The following GRM8 variants were observed in gnomAD, a reference collection of about 807,000 sequenced individuals.
GRM8 encodes the protein glutamate metabotropic receptor 8, also known as metabotropic glutamate receptor 8.
Under a neutral mutation model 87.2 loss-of-function variants are expected in GRM8, and 47 were observed. The observed-to-expected ratio is 0.54, with a 90% CI of 0.43 to 0.69. The LOEUF is 0.69. Among genes scored for constraint, GRM8 ranks in the 30% least tolerant of loss-of-function variants. The pLI is 0.00. For synonymous variants in GRM8, 396 were observed against 404.5 expected, an observed-to-expected ratio of 0.98 and a Z score of 0.25; for missense variants, 1,019 against 1,139.2, an observed-to-expected ratio of 0.89 and a Z score of 1.52.
In GRM8 at chr7:127,155,987, T is replaced by C. The variant is rs531040774; in HGVS notation, c.511-49275A>G. Among the ~76,000 whole-genome samples, 12 of 152,284 alleles carry C rather than the reference T, an allele frequency of 7.9e-5. No individual in the cohort carries two copies. In the South Asian group the frequency reaches 2.5e-3, roughly 32 times the overall value. The stretch of plus-strand genomic sequence containing the variant: ...CCTCTTGAAGGCTGCCAATGTTTAA[T>C]AACCCCCAGAGCCCATTGTTGTAAG... On this transcript the variant is annotated intron_variant, in intron 2 of 10. Transcript: ENST00000339582.
At chr7:126,679,803 G>A (rs942267947) in intron 7 of GRM8, among the ~76,000 whole-genome samples, 2 of 152,162 alleles carry the variant, frequency 1.3e-5, no homozygotes, top group Non-Finnish European at 2.9e-5. Context: ...GATGAGATGG[G>A]CAGATCACTT....
At chr7:127,026,578 T>C in intron 3 of GRM8, among the ~76,000 whole-genome samples, 1 of 152,228 alleles carries the variant, frequency 6.6e-6, no homozygotes, top group Non-Finnish European at 1.5e-5. Context: ...GTGGTTTTGA[T>C]TTGCCTTTCT....
intron 8 of GRM8, among the ~76,000 whole-genome samples, chr7:126,551,572 C>T (rs1014733033): frequency 2.6e-5 from 4 of 152,150 alleles, no homozygotes; most frequent in Non-Finnish European, 5.9e-5. Flanking sequence ...AAGTATGAGA[C>T]ATAAAGCTCA....
At position 126,889,023 on chromosome 7, in the gene GRM8, CTA is replaced by C. The variant is rs528843299; in HGVS notation, c.1156+13517_1156+13518del. ...AGAATACTAACTCCTCTACCATATC[CTA>C]TGTCGGCCCACCGTTGGGGTGTAAG... On this transcript the variant is annotated intron_variant, in intron 6 of 10. Coordinates refer to ENST00000339582, the MANE Select transcript of GRM8 (RefSeq NM_000845.3). Among the ~76,000 whole-genome samples, 471 of 152,178 alleles carry C rather than the reference CTA, an allele frequency of 3.1e-3. 4 individuals carry two copies. The highest frequency in any genetic ancestry group is 0.011 in the African/African-American group (452 of 41,530).
intron 3 of GRM8, among the ~76,000 whole-genome samples, chr7:126,921,193 CAAG>C (rs1333588682): frequency 6.6e-6 from 1 of 151,988 alleles, no homozygotes; most frequent in Non-Finnish European, 1.5e-5. Context: ...GTCCATGCAA[CAAG>C]AATAGGAGGC....
intron 3 of GRM8, among the ~76,000 whole-genome samples, chr7:126,976,409 T>C (rs551868060): frequency 6.6e-6 from 1 of 152,080 alleles, no homozygotes; most frequent in African/African-American, 2.4e-5. Flanking sequence ...TCCTGGCTAA[T>C]ATGGTGAAAC....
At chr7:126,708,188 ACTACACACCTTTTAGAATAT>A (rs1810742149) in intron 7 of GRM8, among the ~76,000 whole-genome samples, 1 of 152,136 alleles carries the variant, frequency 6.6e-6, no homozygotes, top group African/African-American at 2.4e-5. Context: ...ATGAGGTATC[ACTACACACCTTTTAGAATAT>A]CTATTATCAA....
intron 3 of GRM8, among the ~76,000 whole-genome samples, chr7:126,945,364 T>G (rs1457889631): frequency 6.6e-6 from 1 of 152,216 alleles, no homozygotes; most frequent in Admixed American, 6.5e-5. Context: ...TTTCTGTATT[T>G]TAAAACATTA....
At chr7:126,927,200 T>G (rs1161161492) in intron 3 of GRM8, among the ~76,000 whole-genome samples, 1 of 152,178 alleles carries the variant, frequency 6.6e-6, no homozygotes, top group Non-Finnish European at 1.5e-5. Context: ...CAGTGGTGCT[T>G]TCACAGCTCA....
intron 8 of GRM8, among the ~76,000 whole-genome samples, chr7:126,554,125 T>C (rs943223290): frequency 6.6e-6 from 1 of 152,138 alleles, no homozygotes; most frequent in African/African-American, 2.4e-5. Flanking sequence ...CTTCCTAAAA[T>C]TGTTTAAGCT....
chr7:127,027,997 C>T (rs1816963781), intron 3 of GRM8, among the ~76,000 whole-genome samples: 1 of 151,964 alleles, frequency 6.6e-6, no homozygotes, highest in Admixed American at 6.6e-5. Flanking sequence ...TTTTGAGATA[C>T]ATTACCTCCA....
intron 6 of GRM8, among the ~76,000 whole-genome samples, chr7:126,842,414 A>G (rs768223581): frequency 2.6e-4 from 40 of 152,242 alleles, no homozygotes; most frequent in Admixed American, 1.6e-3. Flanking sequence ...AGACTTGCTA[A>G]ATACCATTTA....
At chr7:126,522,682 A>G (rs1450539357) in intron 9 of GRM8, among the ~76,000 whole-genome samples, 1 of 152,194 alleles carries the variant, frequency 6.6e-6, no homozygotes, top group Non-Finnish European at 1.5e-5. Context: ...CCTTCTCTGA[A>G]AGTGTAAACC....
At chr7:126,897,669 AGAAAGACAAAGG>A (rs1194153919) in intron 6 of GRM8, among the ~76,000 whole-genome samples, 1 of 152,074 alleles carries the variant, frequency 6.6e-6, no homozygotes, top group East Asian at 1.9e-4. Flanking sequence ...TTTCTTCTCG[AGAAAGACAAAGG>A]GAATTTTAAG....
rs17869598 is a variant in GRM8 at position 127,246,281 on chromosome 7, T to A, written c.-311-2766A>T. 1.3e-3 allele frequency among the ~76,000 whole-genome samples: 203 copies of A among 152,380 alleles called. 6 individuals carry two copies. In the East Asian group the frequency reaches 0.035, roughly 26 times the overall value. ...GAGCTTTAATCCAAGCTCATCCTAG[T>A]GGAGTCTGTGAGTTTTAAACAAATC... On this transcript the variant is annotated intron_variant, in intron 1 of 10. Transcript: ENST00000339582.
intron 8 of GRM8, among the ~76,000 whole-genome samples, chr7:126,545,436 T>A (rs1443970156): frequency 6.6e-6 from 1 of 152,236 alleles, no homozygotes; most frequent in East Asian, 1.9e-4. Context: ...ATGTTTTTGT[T>A]ACTATGTTCA....
chr7:126,824,180 A>T (rs1316893581), intron 6 of GRM8, among the ~76,000 whole-genome samples: 1 of 152,164 alleles, frequency 6.6e-6, no homozygotes, highest in African/African-American at 2.4e-5. Flanking sequence ...TTAGGTTGAG[A>T]TAAGCATTGT....
chr7:127,171,987 C>G (rs1793828909), intron 2 of GRM8, among the ~76,000 whole-genome samples: 2 of 151,170 alleles, frequency 1.3e-5, no homozygotes, highest in African/African-American at 4.9e-5. Context: ...GACATTTAAA[C>G]AGAAGATTCA....
At chr7:126,966,132 TG>T (rs2131725719) in intron 3 of GRM8, among the ~76,000 whole-genome samples, 1 of 152,272 alleles carries the variant, frequency 6.6e-6, no homozygotes, top group South Asian at 2.1e-4. Context: ...TTTCTTTTGT[TG>T]CTGTTCTTTT....
Sources: allele counts gnomAD v4.1 joint callset (sites outside exome capture counted in the v4.1 genomes callset), GRCh38; gene constraint gnomAD v4.1.1; transcripts MANE v1.5; gene names NCBI Gene and HGNC (gene_info 2026-07-23, HGNC 2026-07-21).